Variants in IKZF3 observed in about 807,000 individuals in gnomAD.
IKZF3 encodes IKAROS family zinc finger 3.
IKZF3 carries 10 observed loss-of-function variants against 49.0 expected under a neutral mutation model. The ratio of observed to expected loss-of-function variants is 0.20; its 90% confidence interval spans 0.13 to 0.35. IKZF3 has a LOEUF of 0.35. IKZF3 is among the 10% of genes least tolerant of loss of function. The probability of loss-of-function intolerance (pLI) is 1.00; values close to 1 mark genes in which losing one functional copy is unlikely to be tolerated. For missense variants in IKZF3, 498 were observed against 664.8 expected (o/e 0.75, Z 2.76); for synonymous variants, 209 against 228.2 (o/e 0.92, Z 0.76).
chr17:39,784,692 G>A (rs1047546605), intron 6 of IKZF3, among the ~76,000 whole-genome samples: 3 of 152,196 alleles, frequency 2.0e-5, no homozygotes, highest in African/African-American at 7.2e-5. Context: ...GCGACCCACC[G>A]CGCCCGGCCA....
chr17:39,775,281 A>G (rs1189183881), intron 7 of IKZF3, among the ~76,000 whole-genome samples: 3 of 152,168 alleles, frequency 2.0e-5, no homozygotes, highest in Non-Finnish European at 4.4e-5. Context: ...AGCTAACTCT[A>G]CTAGGTTTCT....
chr17:39,855,571 T>C (rs1443140484), intron 1 of IKZF3, among the ~76,000 whole-genome samples: 1 of 152,170 alleles, frequency 6.6e-6, no homozygotes, highest in Non-Finnish European at 1.5e-5. Flanking sequence ...CCAAATTCCT[T>C]TTATTGAGAT....
chr17:39,828,776 T>A (rs965629621), intron 3 of IKZF3, among the ~76,000 whole-genome samples: 1 of 151,998 alleles, frequency 6.6e-6, no homozygotes, highest in African/African-American at 2.4e-5. Context: ...AGTTTGGCAA[T>A]CACTTGAGGT....
intron 3 of IKZF3, among the ~76,000 whole-genome samples, chr17:39,819,340 C>T (rs58075375): frequency 0.057 from 8,693 of 152,048 alleles, 382 homozygotes; most frequent in African/African-American, 0.12. Context: ...TATTACCTAC[C>T]AGAACTCAGA....
rs539143313 is a variant in IKZF3, at chr17:39,811,370, A to AGAAG, written c.163+18013_163+18016dup. 4.7e-3 allele frequency among the ~76,000 whole-genome samples: 710 copies of AGAAG among 151,094 alleles called. 4 individuals are homozygous for AGAAG. The highest frequency in any genetic ancestry group is 6.2e-3 in the Non-Finnish European group (418 of 67,758). On this transcript the variant is annotated intron_variant, in intron 3 of 7. Transcript: ENST00000346872. ...GAAAGAAAGACAGAAAGGGAAAGAA[A>AGAAG]GAAGGAAGGAAGGAAGGAAGAAAGG... is the stretch of plus-strand genomic sequence containing the variant.
intron 3 of IKZF3, among the ~76,000 whole-genome samples, chr17:39,807,907 T>C (rs995854515): frequency 6.6e-6 from 1 of 152,026 alleles, no homozygotes; most frequent in Admixed American, 6.6e-5. Flanking sequence ...TACAAACAAG[T>C]ACAAAGGGTT....
intron 3 of IKZF3, among the ~76,000 whole-genome samples, chr17:39,827,105 C>G (rs1327396331): frequency 1.3e-5 from 2 of 152,084 alleles, no homozygotes. Context: ...CCAAGCAATT[C>G]TCCTGCCTCA....
At chr17:39,803,577 G>T (rs939437083) in intron 3 of IKZF3, among the ~76,000 whole-genome samples, 2 of 150,148 alleles carry the variant, frequency 1.3e-5, no homozygotes, top group African/African-American at 2.5e-5. Flanking sequence ...GCAATGGCGC[G>T]ATCTCGGCTC....
intron 6 of IKZF3, among the ~76,000 whole-genome samples, chr17:39,779,665 T>TC (rs1555627942): frequency 5.3e-5 from 8 of 150,872 alleles, no homozygotes; most frequent in South Asian, 2.1e-4. Context: ...TTTTTTTTTT[T>TC]CTGTTCCACG....
intron 7 of IKZF3, among the ~76,000 whole-genome samples, chr17:39,768,129 T>A (rs2060340205): frequency 6.6e-6 from 1 of 152,228 alleles, no homozygotes; most frequent in Non-Finnish European, 1.5e-5. Context: ...ATTTGAGGCA[T>A]TTAGGCAGGG....
At chr17:39,838,256 C>A (rs554086654) in intron 1 of IKZF3, among the ~76,000 whole-genome samples, 1 of 152,166 alleles carries the variant, frequency 6.6e-6, no homozygotes, top group South Asian at 2.1e-4. Context: ...TGTGTTAGAT[C>A]TTTTCATATT....
intron 1 of IKZF3, among the ~76,000 whole-genome samples, chr17:39,845,349 G>A (rs943038653): frequency 2.0e-5 from 3 of 151,666 alleles, no homozygotes; most frequent in South Asian, 2.1e-4. Flanking sequence ...GCAAAACCCC[G>A]TCTTTATAAA....
intron 3 of IKZF3, among the ~76,000 whole-genome samples, chr17:39,812,417 C>G (rs1159545467): frequency 6.6e-6 from 1 of 152,134 alleles, no homozygotes. Flanking sequence ...TGCTTAACAA[C>G]CAGCTCAGGA....
chr17:39,782,910 G>GA (rs1181306794), intron 6 of IKZF3, among the ~76,000 whole-genome samples: 3 of 152,096 alleles, frequency 2.0e-5, no homozygotes, highest in Non-Finnish European at 4.4e-5. Context: ...AAGACGTGCT[G>GA]AAAAAATAAT....
rs2060179111 is a variant in IKZF3 at position 39,761,366 on chromosome 17, C to A, written c.*4424G>T. 1 of 151,450 alleles carries A rather than the reference C, an allele frequency of 6.6e-6. No individual in the cohort carries two copies. 9.4% of individuals were successfully genotyped at this position (151,450 alleles called of 1,614,324 possible). A position where few individuals can be genotyped will look rare whatever the true frequency, so the allele number is the denominator to read the frequency against. On this transcript the variant is annotated 3_prime_UTR_variant, in exon 8 of 8. Transcript: ENST00000346872. ...GTGGGGGCTCACGGGAGAGACACTTCTATTTAGTTTTCTTTCCGTAGGAAG... is the reference window on the plus strand; with the variant it reads ...GTGGGGGCTCACGGGAGAGACACTTATATTTAGTTTTCTTTCCGTAGGAAG...
intron 1 of IKZF3, among the ~76,000 whole-genome samples, chr17:39,838,727 C>T (rs1364763886): frequency 6.6e-6 from 1 of 152,150 alleles, no homozygotes; most frequent in Non-Finnish European, 1.5e-5. Flanking sequence ...TATTTTCCTG[C>T]TTCTTCATAT....
At position 39,758,844 on chromosome 17, in the gene IKZF3, A is replaced by G. The variant is rs2060118771; in HGVS notation, c.*6946T>C. ...ATAATTCATTTGTAAAGGAATTGCT[A>G]TTATGATCTAGTATGATCTTGGGAT... is the stretch of plus-strand genomic sequence containing the variant. On this transcript the variant is annotated 3_prime_UTR_variant, in exon 8 of 8. Coordinates refer to ENST00000346872, the MANE Select transcript of IKZF3 (RefSeq NM_012481.5). The G allele has an allele frequency of 6.8e-6, 1 of 147,986 alleles. No homozygotes were observed. Among genetic ancestry groups the G allele is most frequent in the Admixed American group, 6.9e-5 (1 of 14,508 alleles). The allele number at this position is 147,986 out of a possible 1,614,324, so 9.2% of individuals were successfully genotyped here.
chr17:39,836,927 C>T (rs2062301963), intron 1 of IKZF3, among the ~76,000 whole-genome samples: 1 of 152,116 alleles, frequency 6.6e-6, no homozygotes, highest in Admixed American at 6.6e-5. Flanking sequence ...TTTAACATTT[C>T]TGGTGCCTTT....
At position 39,779,646 on chromosome 17, in the gene IKZF3, G is replaced by GTTTTTT. The variant is rs138812490; in HGVS notation, c.710-1885_710-1880dup. 4.5e-3 allele frequency among the ~76,000 whole-genome samples: 524 copies of GTTTTTT among 116,686 alleles called. 20 individuals are homozygous for GTTTTTT. The highest frequency in any genetic ancestry group is 0.022 in the Middle Eastern group (5 of 226). 76.6% of individuals were successfully genotyped at this position (116,686 alleles called of 152,430 possible). A position where few individuals can be genotyped will look rare whatever the true frequency, so the allele number is the denominator to read the frequency against. On this transcript the variant is annotated intron_variant, in intron 6 of 7. Transcript: ENST00000346872. ...ATATAGTCTCTATGTTATATTCTTT[G>GTTTTTT]TTTTTTGTTTTTTTTTTTTCTGTTC...
Sources: gnomAD v4.1 joint callset for allele counts (sites outside exome capture counted in the v4.1 genomes callset) on GRCh38, gnomAD v4.1.1 for gene constraint, MANE v1.5 for transcripts, NCBI Gene and HGNC (gene_info 2026-07-23, HGNC 2026-07-21) for gene names.